BICD1: variants seen among roughly 807,000 people sequenced by gnomAD.
BICD1 encodes protein bicaudal D homolog 1.
A neutral mutation model predicts 92.5 loss-of-function variants in BICD1; 35 were observed. The ratio of observed to expected loss-of-function variants is 0.38; its 90% CI spans 0.29 to 0.50. The LOEUF is 0.50. BICD1 is among the 20% of genes least tolerant of loss of function. The pLI, the probability that BICD1 is intolerant of heterozygous loss-of-function variation, is 0.93. For missense variants in BICD1, 950 were observed against 1,189.8 expected, an observed-to-expected ratio of 0.80 and a Z score of 2.97; for synonymous variants, 429 against 465.1, an observed-to-expected ratio of 0.92 and a Z score of 1.00.
At chr12:32,360,450 A>G (rs571139979) in intron 8 of BICD1, among the ~76,000 whole-genome samples, 1 of 152,362 alleles carries the variant, frequency 6.6e-6, no homozygotes, top group Non-Finnish European at 1.5e-5. Context: ...ACTTTGCCTC[A>G]TCCTCGGCAA....
chr12:32,358,660 C>T (rs1301965753), intron 8 of BICD1, among the ~76,000 whole-genome samples: 1 of 151,918 alleles, frequency 6.6e-6, no homozygotes, highest in Non-Finnish European at 1.5e-5. Flanking sequence ...TCACTTGAAC[C>T]CGGGAGGCGG....
intron 2 of BICD1, among the ~76,000 whole-genome samples, chr12:32,223,516 C>CAAAAAAAAAA (rs60536204): frequency 9.7e-6 from 1 of 103,416 alleles, no homozygotes; most frequent in African/African-American, 3.7e-5. Context: ...GACTTTGTCT[C>CAAAAAAAAAA]AAAAAAAAAA....
rs117824795 is a variant in BICD1 at position 32,267,165 on chromosome 12, C to T, written c.427-26829C>T. Among the ~76,000 whole-genome samples the T allele has an allele frequency of 1.1e-3, 166 of 152,312 alleles. 3 individuals carry two copies. In the East Asian group the frequency reaches 0.03, roughly 27 times the overall value. On this transcript the variant is annotated intron_variant, in intron 2 of 9. Coordinates refer to ENST00000652176, the MANE Select transcript of BICD1 (RefSeq NM_001714.4). ...TACCATGCAATCGAAAGATCACACACCTGATACTACTATGTGTCTATCCAT... is the reference window on the plus strand; with the variant it reads ...TACCATGCAATCGAAAGATCACACATCTGATACTACTATGTGTCTATCCAT...
chr12:32,324,360 AAAAC>A (rs1293501227), intron 4 of BICD1, among the ~76,000 whole-genome samples: 1 of 149,546 alleles, frequency 6.7e-6, no homozygotes, highest in Non-Finnish European at 1.5e-5. Flanking sequence ...TCTCAAAAAA[AAAAC>A]AAAAAAAAAA....
intron 4 of BICD1, among the ~76,000 whole-genome samples, chr12:32,320,977 T>C (rs1214019614): frequency 2.6e-5 from 4 of 152,326 alleles, no homozygotes; most frequent in African/African-American, 4.8e-5. Flanking sequence ...TTAAAATGTA[T>C]AGTAATTTTA....
chr12:32,338,116 A>G, intron 7 of BICD1: 1 of 280,398 alleles, frequency 3.6e-6, no homozygotes, highest in Admixed American at 4.6e-5. Context: ...CCTCTCCCTT[A>G]CCTCCAACCT....
intron 2 of BICD1, among the ~76,000 whole-genome samples, chr12:32,283,089 T>TC (rs1947463796): frequency 6.6e-6 from 1 of 152,048 alleles, no homozygotes; most frequent in African/African-American, 2.4e-5. Flanking sequence ...GGGGTTTTTT[T>TC]CCCCCTTAAG....
chr12:32,367,593 G>A, intron 8 of BICD1, 77 bp from the exon 9 acceptor site: 1 of 1,337,778 alleles, frequency 7.5e-7, no homozygotes. Flanking sequence ...CTCTCAGGCA[G>A]CTGCTTTAGT....
intron 1 of BICD1, among the ~76,000 whole-genome samples, chr12:32,154,936 C>T (rs974962029): frequency 6.6e-6 from 1 of 152,086 alleles, no homozygotes; most frequent in Non-Finnish European, 1.5e-5. Context: ...AGTTTTTCCT[C>T]TGATTCAAAC....
chr12:32,129,310 G>A (rs150690614), intron 1 of BICD1, among the ~76,000 whole-genome samples: 4,693 of 151,354 alleles, frequency 0.031, 245 homozygotes, highest in African/African-American at 0.11. Flanking sequence ...GATCACCTGA[G>A]GTCAGGAGTT....
At chr12:32,298,888 A>G (rs1393163204) in intron 3 of BICD1, among the ~76,000 whole-genome samples, 1 of 151,746 alleles carries the variant, frequency 6.6e-6, no homozygotes, top group African/African-American at 2.4e-5. Context: ...AAAAAAAAAA[A>G]AGAATATCAT....
In BICD1 at chr12:32,339,494, A is replaced by G. The variant is rs138373098; in HGVS notation, c.2764+515A>G. On this transcript the variant is annotated intron_variant, in intron 8 of 9. Coordinates refer to ENST00000652176, the MANE Select transcript of BICD1 (RefSeq NM_001714.4). ...TGCTCCTCAAGAACATTTAGGTCTT[A>G]GTATAATGTTCTTGTAGATTGCAGG... 1.7e-3 allele frequency: 1,660 copies of G among 985,516 alleles called. 23 individuals are homozygous for G. In the African/African-American group the frequency reaches 0.027, roughly 16 times the overall value. The allele number at this position is 985,516 out of a possible 1,614,324, so 61.0% of individuals were successfully genotyped here.
At chr12:32,282,191 C>A (rs1338483149) in intron 2 of BICD1, among the ~76,000 whole-genome samples, 1 of 141,768 alleles carries the variant, frequency 7.1e-6, no homozygotes, top group African/African-American at 2.6e-5. Flanking sequence ...GACCCAGCTT[C>A]AGGTCTTCTT....
intron 2 of BICD1, among the ~76,000 whole-genome samples, chr12:32,248,112 C>T (rs1946437407): frequency 6.6e-6 from 1 of 151,996 alleles, no homozygotes. Flanking sequence ...AAACAAAAAC[C>T]CAAGAAGACC....
chr12:32,282,886 G>T (rs1044748890), intron 2 of BICD1, among the ~76,000 whole-genome samples: 5 of 152,200 alleles, frequency 3.3e-5, no homozygotes, highest in African/African-American at 4.8e-5. Context: ...ACGAGACCAG[G>T]TTCAGTGTTC....
chr12:32,226,960 C>T (rs1945716282), intron 2 of BICD1, among the ~76,000 whole-genome samples: 1 of 152,196 alleles, frequency 6.6e-6, no homozygotes, highest in African/African-American at 2.4e-5. Flanking sequence ...CAGCTTGGCA[C>T]AGACCAGGGG....
At chr12:32,305,009 G>A (rs1282206564) in intron 3 of BICD1, among the ~76,000 whole-genome samples, 4 of 151,706 alleles carry the variant, frequency 2.6e-5, no homozygotes, top group African/African-American at 7.3e-5. Flanking sequence ...GCAACAGAGC[G>A]AGACCCTCTC....
intron 4 of BICD1, among the ~76,000 whole-genome samples, chr12:32,310,576 G>A (rs1461488412): frequency 1.3e-5 from 2 of 152,124 alleles, no homozygotes; most frequent in East Asian, 3.8e-4. Context: ...TGGCTGCCAG[G>A]GTTAGGATGC....
chr12:32,326,823 C>T (rs1948787714), intron 4 of BICD1, among the ~76,000 whole-genome samples: 1 of 152,152 alleles, frequency 6.6e-6, no homozygotes, highest in African/African-American at 2.4e-5. Flanking sequence ...GCAGAGCCTG[C>T]AGTAAGCCCT....
Sources: allele counts gnomAD v4.1 joint callset (sites outside exome capture counted in the v4.1 genomes callset), GRCh38; gene constraint gnomAD v4.1.1; transcripts MANE v1.5; gene names NCBI Gene and HGNC (gene_info 2026-07-23, HGNC 2026-07-21).